JMJD1C: variants seen among roughly 807,000 people sequenced by gnomAD.
JMJD1C encodes jumonji domain-containing protein 1C.
Under a neutral mutation model 245.3 loss-of-function variants are expected in JMJD1C, and 31 were observed. The ratio of observed to expected loss-of-function variants is 0.13; its 90% CI spans 0.09 to 0.17. The LOEUF (loss-of-function observed/expected upper bound fraction) is 0.17. Among genes scored for constraint, JMJD1C ranks in the 10% least tolerant of loss-of-function variants. The pLI, the probability that JMJD1C is intolerant of heterozygous loss-of-function variation, is 1.00. For missense variants in JMJD1C, 2,691 were observed against 3,000.2 expected (o/e 0.90, Z 2.41); for synonymous variants, 1,057 against 1,017.4 (o/e 1.04, Z -0.74).
At chr10:63,175,340 A>AT (rs1842783464) in intron 24 of JMJD1C, among the ~76,000 whole-genome samples, 2 of 152,146 alleles carry the variant, frequency 1.3e-5, no homozygotes, top group African/African-American at 2.4e-5. Context: ...ATGTAAATAC[A>AT]TTTTTTCCAG....
chr10:63,202,346 A>G (rs1222122094), intron 10 of JMJD1C: 1 of 984,816 alleles, frequency 1.0e-6, no homozygotes, highest in Non-Finnish European at 1.2e-6. Flanking sequence ...ATATTAATGT[A>G]TCTATATGTC....
chr10:63,404,493 C>A (rs970667481), intron 1 of JMJD1C, among the ~76,000 whole-genome samples: 1 of 152,138 alleles, frequency 6.6e-6, no homozygotes, highest in African/African-American at 2.4e-5. Flanking sequence ...GATCCTTGTG[C>A]CTCAGCCTCC....
intron 24 of JMJD1C, among the ~76,000 whole-genome samples, chr10:63,173,757 GA>G (rs1243509261): frequency 6.6e-6 from 1 of 151,710 alleles, no homozygotes; most frequent in African/African-American, 2.4e-5. Context: ...AATGCTCTTT[GA>G]AAAGAGAAGC....
chr10:63,490,098 CCA>C (rs1954120129), intron 1 of JMJD1C, among the ~76,000 whole-genome samples: 1 of 152,180 alleles, frequency 6.6e-6, no homozygotes, highest in African/African-American at 2.4e-5. Context: ...TTCACCCACC[CCA>C]GTCCTTGGAA....
At chr10:63,192,484 C>T (rs1051199143) in intron 16 of JMJD1C, among the ~76,000 whole-genome samples, 5 of 152,158 alleles carry the variant, frequency 3.3e-5, no homozygotes, top group African/African-American at 9.7e-5. Context: ...AGGACAATCA[C>T]TTAAACCTGG....
At chr10:63,184,536 G>T (rs762780254) in intron 21 of JMJD1C, 72 bp downstream of exon 21, 6 of 1,392,602 alleles carry the variant, frequency 4.3e-6, no homozygotes, top group Non-Finnish European at 5.9e-6. Flanking sequence ...GAGCCACTAT[G>T]CCCGGCCTGA....
In JMJD1C at chr10:63,243,290, G is replaced by A. The variant is rs181983147; in HGVS notation, c.447+21361C>T. 3.2e-3 allele frequency among the ~76,000 whole-genome samples: 491 copies of A among 151,914 alleles called. 2 individuals are homozygous for A. Among genetic ancestry groups the A allele is most frequent in the African/African-American group, 0.011 (475 of 41,420 alleles). ...GCCTGTAATCCTAGCACTTTGGGAG[G>A]CTGAGGTGGGAGTATCACCTGAGGT... On this transcript the variant is annotated intron_variant, in intron 3 of 25. Transcript: ENST00000399262.
At chr10:63,402,453 A>G (rs948173300) in intron 1 of JMJD1C, among the ~76,000 whole-genome samples, 1 of 152,202 alleles carries the variant, frequency 6.6e-6, no homozygotes, top group Admixed American at 6.5e-5. Flanking sequence ...ATGATATGTA[A>G]CACTCATCTG....
At position 63,200,686 on chromosome 10, in the gene JMJD1C, T is replaced by A. The variant is rs1436698931; in HGVS notation, c.5075-9A>T. ...TGAACGAGGAATGCCAGCTGTAAAA[T>A]CAGTAGGAAAGTTTTAGCAAGATTA... On this transcript the variant is annotated splice_polypyrimidine_tract_variant and intron_variant, in intron 10 of 25. Transcript: ENST00000399262. The A allele has an allele frequency of 6.2e-7, 1 of 1,613,004 alleles. No homozygotes were observed.
chr10:63,311,358 A>G (rs1939173439), intron 2 of JMJD1C, among the ~76,000 whole-genome samples: 1 of 152,144 alleles, frequency 6.6e-6, no homozygotes, highest in Non-Finnish European at 1.5e-5. Context: ...CATCCTGGGC[A>G]ACAGAGTGAG....
intron 22 of JMJD1C, among the ~76,000 whole-genome samples, chr10:63,178,833 A>G (rs1297046747): frequency 6.6e-6 from 1 of 152,270 alleles, no homozygotes; most frequent in Non-Finnish European, 1.5e-5. Flanking sequence ...CTCTAAGTGT[A>G]GGACCACAGG....
intron 2 of JMJD1C, among the ~76,000 whole-genome samples, chr10:63,289,343 C>T (rs1229877910): frequency 2.0e-5 from 3 of 152,034 alleles, no homozygotes; most frequent in Non-Finnish European, 4.4e-5. Context: ...TCTTAGAGGA[C>T]TGGTAAGTTA....
intron 2 of JMJD1C, among the ~76,000 whole-genome samples, chr10:63,283,760 T>G (rs1857665512): frequency 6.6e-6 from 1 of 152,202 alleles, no homozygotes; most frequent in South Asian, 2.1e-4. Flanking sequence ...TAAACAATAT[T>G]TTGTTTTAAC....
In JMJD1C at chr10:63,193,170, T is replaced by TA; in HGVS notation, c.5863-20dup. ...GTAAAACCTACAAAGGTAGAACAAT[T>TA]ACATTTTTAAACACTTTCTTCAATA... On this transcript the variant is annotated intron_variant, in intron 15 of 25. Transcript: ENST00000399262. The TA allele has an allele frequency of 6.3e-7, 1 of 1,589,666 alleles. No individual in the cohort carries two copies. Among genetic ancestry groups the TA allele is most frequent in the Non-Finnish European group, 8.6e-7 (1 of 1,160,602 alleles).
At chr10:63,325,735 AAC>A (rs1470660113) in intron 2 of JMJD1C, among the ~76,000 whole-genome samples, 2 of 152,158 alleles carry the variant, frequency 1.3e-5, no homozygotes, top group Non-Finnish European at 2.9e-5. Flanking sequence ...ATAACTGATA[AAC>A]AGTTAATTTA....
At chr10:63,255,024 T>A (rs1318959183) in intron 3 of JMJD1C, among the ~76,000 whole-genome samples, 1 of 151,784 alleles carries the variant, frequency 6.6e-6, no homozygotes, top group Non-Finnish European at 1.5e-5. Context: ...CTGCTAATTT[T>A]ATTTTTTTGT....
intron 1 of JMJD1C, chr10:63,427,323 C>G (rs371143244): frequency 3.0e-6 from 3 of 1,000,560 alleles, no homozygotes; most frequent in Non-Finnish European, 4.3e-6. Flanking sequence ...TGGGCCAGGG[C>G]GTGCTCCAGA....
At chr10:63,397,809 T>C (rs1477827697) in intron 1 of JMJD1C, among the ~76,000 whole-genome samples, 1 of 152,190 alleles carries the variant, frequency 6.6e-6, no homozygotes, top group African/African-American at 2.4e-5. Context: ...GTTGGGATTA[T>C]ACAGGCATGA....
At chr10:63,290,035 A>G (rs982577158) in intron 2 of JMJD1C, among the ~76,000 whole-genome samples, 3 of 152,166 alleles carry the variant, frequency 2.0e-5, no homozygotes, top group Non-Finnish European at 2.9e-5. Context: ...CAAATAAGCA[A>G]TAATAAACAG....
Sources: allele counts gnomAD v4.1 joint callset (sites outside exome capture counted in the v4.1 genomes callset), GRCh38; gene constraint gnomAD v4.1.1; transcripts MANE v1.5; gene names NCBI Gene and HGNC (gene_info 2026-07-23, HGNC 2026-07-21).